Variants in SPSB1 observed in about 807,000 individuals in gnomAD.
SPSB1 encodes the protein SPRY domain-containing SOCS box protein 1.
SPSB1 carries 8 observed loss-of-function variants against 21.2 expected under a neutral mutation model. The observed-to-expected ratio is 0.38, with a 90% CI of 0.22 to 0.68. The LOEUF (loss-of-function observed/expected upper bound fraction) is 0.68. Among genes scored for constraint, SPSB1 ranks in the 30% least tolerant of loss-of-function variants. SPSB1 has a pLI of 0.53. For synonymous variants in SPSB1, 169 were observed against 161.7 expected (o/e 1.05, Z -0.34); for missense variants, 242 against 377.8 (o/e 0.64, Z 2.98).
rs375711883 is a variant in SPSB1 at position 9,317,326 on chromosome 1, C to A, written c.-150+24255C>A. ...CGGAAGGTGGCATGTGTGTGCAAAA[C>A]CACTGGGAGCTTTGATGATACCCGG... On this transcript the variant is annotated intron_variant, in intron 1 of 2. Transcript: ENST00000328089. The surrounding 1 kb of genome is among the most constrained non-coding windows in gnomAD (Gnocchi z 4.3). 9.2e-5 allele frequency among the ~76,000 whole-genome samples: 14 copies of A among 152,228 alleles called. No homozygotes were observed. In the South Asian group the frequency reaches 1.9e-3, roughly 20 times the overall value.
At chr1:9,342,639 G>A (rs1305879603) in intron 1 of SPSB1, among the ~76,000 whole-genome samples, 1 of 152,074 alleles carries the variant, frequency 6.6e-6, no homozygotes, top group East Asian at 1.9e-4. Context: ...CTCATCCCCC[G>A]CCAGCCCGCG....
Position 9,324,966 on chromosome 1 carries a change from G to A in SPSB1, c.-149-30777G>A, listed in dbSNP as rs956622106. Among the ~76,000 whole-genome samples, 2 of 152,208 alleles carry A rather than the reference G, an allele frequency of 1.3e-5. No individual in the cohort carries two copies. Among genetic ancestry groups the A allele is most frequent in the East Asian group, 3.8e-4 (2 of 5,196 alleles). ...CCTGGCGGGCTGGTGGATCGGAGGCGCCTGTGAGCGGGTCAGTACTGGGTA... is the reference window on the plus strand; with the variant it reads ...CCTGGCGGGCTGGTGGATCGGAGGCACCTGTGAGCGGGTCAGTACTGGGTA... On this transcript the variant is annotated intron_variant, in intron 1 of 2. Coordinates refer to ENST00000328089, the MANE Select transcript of SPSB1 (RefSeq NM_025106.4). The surrounding 1 kb of genome is among the most constrained non-coding windows in gnomAD (Gnocchi z 4.3).
Position 9,301,580 on chromosome 1 carries a change from C to T in SPSB1, c.-150+8509C>T, listed in dbSNP as rs150767893. Among the ~76,000 whole-genome samples the T allele has an allele frequency of 4.1e-3, 623 of 152,292 alleles. 3 individuals carry two copies. The highest frequency in any genetic ancestry group is 0.014 in the African/African-American group (580 of 41,564). ...AGGACACGGATAGACCTCCCGAGTGCGCACAGGACATGAGGTATGTGGGTA... is the reference window on the plus strand; with the variant it reads ...AGGACACGGATAGACCTCCCGAGTGTGCACAGGACATGAGGTATGTGGGTA... On this transcript the variant is annotated intron_variant, in intron 1 of 2. Transcript: ENST00000328089.
At chr1:9,358,113 G>A (rs1640404849) in intron 2 of SPSB1, among the ~76,000 whole-genome samples, 1 of 152,200 alleles carries the variant, frequency 6.6e-6, no homozygotes, top group African/African-American at 2.4e-5. Context: ...TGGAGAAGGA[G>A]GTCCTCCTCC....
chr1:9,308,576 T>C (rs1019903799), intron 1 of SPSB1, among the ~76,000 whole-genome samples: 4 of 152,250 alleles, frequency 2.6e-5, no homozygotes, highest in Non-Finnish European at 5.9e-5. Flanking sequence ...TCCCATCTGC[T>C]GTGAGTGTGA....
chr1:9,334,341 C>T (rs901223425), intron 1 of SPSB1, among the ~76,000 whole-genome samples: 5 of 152,186 alleles, frequency 3.3e-5, no homozygotes, highest in Non-Finnish European at 7.3e-5. Context: ...CCGCCTCAAC[C>T]TGTCAAAGTG....
chr1:9,341,404 T>TC (rs1553127447), intron 1 of SPSB1, among the ~76,000 whole-genome samples: 1 of 152,128 alleles, frequency 6.6e-6, no homozygotes, highest in Non-Finnish European at 1.5e-5. Flanking sequence ...GTTGCCTGCC[T>TC]CCCCCCACTA....
At chr1:9,344,051 G>A (rs1640132149) in intron 1 of SPSB1, among the ~76,000 whole-genome samples, 1 of 152,210 alleles carries the variant, frequency 6.6e-6, no homozygotes, top group African/African-American at 2.4e-5. Context: ...GCCTCCCAAA[G>A]TGCTGGGATT....
At chr1:9,354,874 C>A (rs554847016) in intron 1 of SPSB1, among the ~76,000 whole-genome samples, 2 of 152,254 alleles carry the variant, frequency 1.3e-5, no homozygotes, top group Admixed American at 6.5e-5. Context: ...ATCTCTCCCC[C>A]AACCCAGAGT....
chr1:9,332,166 C>T (rs557857804), intron 1 of SPSB1, among the ~76,000 whole-genome samples: 8 of 148,974 alleles, frequency 5.4e-5, no homozygotes, highest in African/African-American at 1.7e-4. Flanking sequence ...GCCTGGGCAA[C>T]ATAGTGAGAC....
intron 1 of SPSB1, among the ~76,000 whole-genome samples, chr1:9,336,518 G>A (rs984198626): frequency 6.6e-6 from 1 of 152,232 alleles, no homozygotes; most frequent in East Asian, 1.9e-4. Flanking sequence ...GAGCCACCAC[G>A]TCCGGCTCCT....
At chr1:9,295,395 C>T (rs974060880) in intron 1 of SPSB1, among the ~76,000 whole-genome samples, 6 of 152,164 alleles carry the variant, frequency 3.9e-5, no homozygotes, top group Non-Finnish European at 7.3e-5. Flanking sequence ...GGGAGCAAGG[C>T]GGGTGCCATG....
intron 1 of SPSB1, among the ~76,000 whole-genome samples, chr1:9,330,584 C>T (rs1172478729): frequency 2.0e-5 from 3 of 152,142 alleles, no homozygotes; most frequent in African/African-American, 7.2e-5. Context: ...ACACACGTAT[C>T]CCTAACTTCA....
intron 1 of SPSB1, among the ~76,000 whole-genome samples, chr1:9,310,685 G>C (rs1342600287): frequency 6.6e-6 from 1 of 151,124 alleles, no homozygotes; most frequent in Non-Finnish European, 1.5e-5. Flanking sequence ...ATGGGAGTTA[G>C]ACCTTGTCTT....
Position 9,367,316 on chromosome 1 carries a change from C to G in SPSB1, c.695-132C>G, listed in dbSNP as rs1415772619. 16 of 1,509,746 alleles carry G rather than the reference C, an allele frequency of 1.1e-5. No homozygotes were observed. The highest frequency in any genetic ancestry group is 1.4e-5 in the Non-Finnish European group (16 of 1,105,480). 93.5% of individuals were successfully genotyped at this position (1,509,746 alleles called of 1,614,324 possible). The stretch of plus-strand genomic sequence containing the variant: ...ACATGCTAAATTTAAAATGAAAAAG[C>G]ATTGCATTTTTCATTGTTTCTTTAC... On this transcript the variant is annotated intron_variant, in intron 2 of 2. Coordinates refer to ENST00000328089, the MANE Select transcript of SPSB1 (RefSeq NM_025106.4). The surrounding 1 kb of genome is among the most constrained non-coding windows in gnomAD (Gnocchi z 5.9).
At chr1:9,338,313 C>G (rs1204559181) in intron 1 of SPSB1, among the ~76,000 whole-genome samples, 3 of 152,182 alleles carry the variant, frequency 2.0e-5, no homozygotes, top group Admixed American at 2.0e-4. Context: ...AGGGGAGACC[C>G]TGTCCCCAGG....
intron 1 of SPSB1, among the ~76,000 whole-genome samples, chr1:9,331,578 GC>G (rs1212299696): frequency 6.6e-6 from 1 of 152,080 alleles, no homozygotes; most frequent in Non-Finnish European, 1.5e-5. Context: ...TTGATCCACT[GC>G]CTTAGCCTCC....
rs190057087 is a variant in SPSB1 at position 9,330,607 on chromosome 1, G to C, written c.-149-25136G>C. Among the ~76,000 whole-genome samples, 63 of 152,186 alleles carry C rather than the reference G, an allele frequency of 4.1e-4. 1 individual carries two copies. Among genetic ancestry groups the C allele is most frequent in the African/African-American group, 1.5e-3 (61 of 41,510 alleles). ...ATCCCTAACTTCACCCGACACGTTT[G>C]GGGGAGTATTTTGGGTTTGCCTGTC... On this transcript the variant is annotated intron_variant, in intron 1 of 2. Coordinates refer to ENST00000328089, the MANE Select transcript of SPSB1 (RefSeq NM_025106.4).
At chr1:9,316,532 G>T (rs1001141239) in intron 1 of SPSB1, among the ~76,000 whole-genome samples, 1 of 152,046 alleles carries the variant, frequency 6.6e-6, no homozygotes, top group African/African-American at 2.4e-5. Flanking sequence ...CAGGCATCAC[G>T]CCTTGAGGTG....
Sources: gnomAD v4.1 joint callset for allele counts (sites outside exome capture counted in the v4.1 genomes callset) on GRCh38, gnomAD v4.1.1 for gene constraint, Gnocchi (gnomAD v3.1) non-coding constraint, MANE v1.5 for transcripts, NCBI Gene and HGNC (gene_info 2026-07-23, HGNC 2026-07-21) for gene names.